The following PECAM1 variants were observed in gnomAD, a reference collection of about 807,000 sequenced individuals.
The protein encoded by PECAM1 is platelet endothelial cell adhesion molecule.
In PECAM1, 8 loss-of-function variants were observed where a neutral mutation model predicts 13.8. That is an observed-to-expected ratio of 0.58 (90% confidence interval 0.34 to 1.05). PECAM1 has a LOEUF of 1.05. Among genes scored for constraint, PECAM1 ranks in the 50% least tolerant of loss-of-function variants. The probability of loss-of-function intolerance (pLI) is 0.03; values close to 1 mark genes in which losing one functional copy is unlikely to be tolerated. For synonymous variants in PECAM1, 136 were observed against 52.6 expected (o/e 2.58, Z -6.86); for missense variants, 304 against 141.2 (o/e 2.15, Z -5.84).
rs2143637860 is a variant in PECAM1, at chr17:64,320,566, C to G, written c.*3250G>C. On this transcript the variant is annotated 3_prime_UTR_variant, in exon 16 of 16. Transcript: ENST00000563924. Reference sequence around the variant, plus strand: ...GATCCCCCAAAGTCTGTGTTGGAAGCCCCTCCCATGTGCCCTTGTTTGAGC... The same window carrying G: ...GATCCCCCAAAGTCTGTGTTGGAAGGCCCTCCCATGTGCCCTTGTTTGAGC... The G allele has an allele frequency of 6.6e-6, 1 of 152,588 alleles. No homozygotes were observed. The highest frequency in any genetic ancestry group is 1.9e-4 in the East Asian group (1 of 5,196). The allele number at this position is 152,588 out of a possible 1,614,324, so 9.5% of individuals were successfully genotyped here.
intron 5 of PECAM1, among the ~76,000 whole-genome samples, 177 bp downstream of exon 5, chr17:64,369,573 C>T (rs1052234569): frequency 3.3e-5 from 5 of 152,178 alleles, no homozygotes; most frequent in Non-Finnish European, 7.3e-5. Flanking sequence ...GCACAGTAGA[C>T]TGTTAACTCG....
In PECAM1 at chr17:64,363,336, C is replaced by T. The variant is rs1415588976; in HGVS notation, c.1029G>A (p.Leu343=). 6.3e-6 allele frequency: 3 copies of T among 475,226 alleles called. No individual in the cohort carries two copies. Among genetic ancestry groups the T allele is most frequent in the Admixed American group, 3.2e-5 (1 of 31,720 alleles). 29.4% of individuals were successfully genotyped at this position (475,226 alleles called of 1,614,324 possible). ...SFTHLDQGER[L]NLSCSIPGAP... ...CTCCTGGGATGGAGCAGGACAGGTTCAGTCTTTCACCTTGGTCCAGATGTG... is the reference window on the plus strand; with the variant it reads ...CTCCTGGGATGGAGCAGGACAGGTTTAGTCTTTCACCTTGGTCCAGATGTG... Residue 343 remains leucine (L), a synonymous_variant, in exon 6 of 16, where the codon CTG becomes CTA. Transcript: ENST00000563924.
intron 4 of PECAM1, chr17:64,370,304 T>A: frequency 3.7e-6 from 1 of 268,550 alleles, no homozygotes; most frequent in Non-Finnish European, 6.9e-6. Flanking sequence ...TTCAGAGGAC[T>A]TCAGAAATAA....
At chr17:64,347,552 T>C (rs919087335) in intron 13 of PECAM1, among the ~76,000 whole-genome samples, 1 of 134,234 alleles carries the variant, frequency 7.4e-6, no homozygotes, top group Non-Finnish European at 1.6e-5. Context: ...AAAATATATA[T>C]ATATATATAA....
intron 4 of PECAM1, among the ~76,000 whole-genome samples, chr17:64,372,851 C>T (rs2036271499): frequency 6.6e-6 from 1 of 151,498 alleles, no homozygotes. Context: ...TGTGGCGGCT[C>T]ATGCCTGTAA....
intron 10 of PECAM1, among the ~76,000 whole-genome samples, chr17:64,353,054 C>A (rs1320544999): frequency 2.0e-5 from 3 of 152,066 alleles, no homozygotes; most frequent in African/African-American, 7.2e-5. Context: ...TCTTATCCCA[C>A]GCTACTGTTT....
At chr17:64,339,893 T>C (rs1370736986) in intron 14 of PECAM1, among the ~76,000 whole-genome samples, 1 of 152,196 alleles carries the variant, frequency 6.6e-6, no homozygotes, top group Non-Finnish European at 1.5e-5. Context: ...CTCACGCTTG[T>C]AATCCCAGCA....
chr17:64,339,561 A>C (rs1362562554), intron 14 of PECAM1, among the ~76,000 whole-genome samples: 1 of 151,844 alleles, frequency 6.6e-6, no homozygotes, highest in Non-Finnish European at 1.5e-5. Flanking sequence ...CAATGGGAGC[A>C]ACCTTGAACC....
intron 14 of PECAM1, among the ~76,000 whole-genome samples, chr17:64,333,455 T>G (rs1250123013): frequency 6.6e-6 from 1 of 151,978 alleles, no homozygotes; most frequent in Non-Finnish European, 1.5e-5. Context: ...CTGGGTGGTG[T>G]TTTGTGGTGG....
chr17:64,334,190 C>G (rs1171281286), intron 14 of PECAM1, among the ~76,000 whole-genome samples: 1 of 151,868 alleles, frequency 6.6e-6, no homozygotes, highest in East Asian at 1.9e-4. Flanking sequence ...AGCTCCCCCA[C>G]TGTCTGCAAG....
chr17:64,321,973 C>T lies in PECAM1; in HGVS notation c.*1843G>A, dbSNP rs1171142450. On this transcript the variant is annotated 3_prime_UTR_variant, in exon 16 of 16. Transcript: ENST00000563924. ...GGTCGTCTGATCCTTTGACCTCAAT[C>T]TGAGCCCACCACTCAGAAAACCTGG... The T allele has an allele frequency of 7.8e-7, 1 of 1,287,246 alleles. No individual in the cohort carries two copies. Among genetic ancestry groups the T allele is most frequent in the Non-Finnish European group, 1.0e-6 (1 of 979,764 alleles). 79.7% of individuals were successfully genotyped at this position (1,287,246 alleles called of 1,614,324 possible).
intron 2 of PECAM1, among the ~76,000 whole-genome samples, chr17:64,389,288 G>A (rs921175898): frequency 3.9e-5 from 6 of 152,198 alleles, no homozygotes; most frequent in Non-Finnish European, 4.4e-5. Flanking sequence ...ATAGTGTTCT[G>A]TGGGCTCTCC....
chr17:64,373,005 G>A (rs1161237794), intron 4 of PECAM1, among the ~76,000 whole-genome samples: 3 of 151,364 alleles, frequency 2.0e-5, no homozygotes, highest in Non-Finnish European at 4.4e-5. Flanking sequence ...CCAACTACTC[G>A]GGAGGCTGAG....
chr17:64,372,773 G>T (rs1230713064), intron 4 of PECAM1, among the ~76,000 whole-genome samples: 3 of 151,686 alleles, frequency 2.0e-5, no homozygotes, highest in Non-Finnish European at 4.4e-5. Context: ...AAAGTGCTGG[G>T]ATTACAGATG....
rs34794635 is a variant in PECAM1 at position 64,356,406 on chromosome 17, G to C, written c.1493-8C>G. On this transcript the variant is annotated splice_polypyrimidine_tract_variant and splice_region_variant and intron_variant, in intron 7 of 15. Transcript: ENST00000563924. ...GGACCTCATCCACCGGGGCTGAAAAGCAGGAAAAGGATTCACACTGAGCAA... is the reference window on the plus strand; with the variant it reads ...GGACCTCATCCACCGGGGCTGAAAACCAGGAAAAGGATTCACACTGAGCAA... 8.0e-3 allele frequency: 3,667 copies of C among 459,654 alleles called. 24 individuals are homozygous for C. The highest frequency in any genetic ancestry group is 0.011 in the Non-Finnish European group (2,829 of 251,740). 28.5% of individuals were successfully genotyped at this position (459,654 alleles called of 1,614,324 possible).
intron 13 of PECAM1, among the ~76,000 whole-genome samples, chr17:64,348,032 T>C (rs2035625099): frequency 6.6e-6 from 1 of 151,956 alleles, no homozygotes; most frequent in African/African-American, 2.4e-5. Context: ...TGCCTGGCCT[T>C]TTCTTTTTTT....
chr17:64,361,187 C>T (rs1323716414), intron 6 of PECAM1, among the ~76,000 whole-genome samples: 1 of 143,818 alleles, frequency 7.0e-6, no homozygotes, highest in Admixed American at 7.0e-5. Flanking sequence ...GCTCTGTCAC[C>T]CAGGCTGGAG....
At position 64,390,760 on chromosome 17, in the gene PECAM1, C is replaced by T. The variant is rs981758761; in HGVS notation, c.-95G>A. 8 of 403,456 alleles carry T rather than the reference C, an allele frequency of 2.0e-5. No homozygotes were observed. Among genetic ancestry groups the T allele is most frequent in the Admixed American group, 4.4e-5 (1 of 22,716 alleles). The allele number at this position is 403,456 out of a possible 1,614,324, so 25.0% of individuals were successfully genotyped here. ...GCCCACAAGTCACCGTTGAGAAACCCGCCCTGTGAAAAGCAGAAATTGCTC... is the reference window on the plus strand; with the variant it reads ...GCCCACAAGTCACCGTTGAGAAACCTGCCCTGTGAAAAGCAGAAATTGCTC... On this transcript the variant is annotated 5_prime_UTR_variant, in exon 1 of 16. Coordinates refer to ENST00000563924, the MANE Select transcript of PECAM1 (RefSeq NM_000442.5).
chr17:64,323,448 TG>T lies in PECAM1; in HGVS notation c.*367del. The T allele has an allele frequency of 8.6e-7, 1 of 1,163,152 alleles. No homozygotes were observed. Among genetic ancestry groups the T allele is most frequent in the South Asian group, 2.1e-5 (1 of 48,166 alleles). 72.1% of individuals were successfully genotyped at this position (1,163,152 alleles called of 1,614,324 possible). On this transcript the variant is annotated 3_prime_UTR_variant, in exon 16 of 16. Transcript: ENST00000563924. ...AATGATTGAGTATAAAAAAGAAAAT[TG>T]GTTTCTGTGTATGAGGGTGCATGGA... is the stretch of plus-strand genomic sequence containing the variant.
Sources: gnomAD v4.1 joint callset for allele counts (sites outside exome capture counted in the v4.1 genomes callset) on GRCh38, gnomAD v4.1.1 for gene constraint, MANE v1.5 for transcripts, NCBI Gene and HGNC (gene_info 2026-07-23, HGNC 2026-07-21) for gene names.